Variants in DOCK7 observed in about 807,000 individuals in gnomAD.
DOCK7 encodes dedicator of cytokinesis protein 7.
In DOCK7, 138 loss-of-function variants were observed where a neutral mutation model predicts 271.0. The observed-to-expected ratio is 0.51, with a 90% CI of 0.44 to 0.59. DOCK7 has a LOEUF of 0.59. Ranked by LOEUF, DOCK7 falls within the 20% of genes least tolerant of loss-of-function variation. The pLI is 0.00. For synonymous variants in DOCK7, 823 were observed against 876.1 expected (o/e 0.94, Z 1.07); for missense variants, 2,066 against 2,592.4 (o/e 0.80, Z 4.41).
At chr1:62,528,763 T>C (rs931376781) in intron 30 of DOCK7, among the ~76,000 whole-genome samples, 1 of 152,202 alleles carries the variant, frequency 6.6e-6, no homozygotes, top group Middle Eastern at 3.2e-3. Flanking sequence ...GAAAATATTG[T>C]TGCAAACTAA....
At position 62,559,020 on chromosome 1, in the gene DOCK7, A is replaced by G; in HGVS notation, c.2400T>C (p.Val800=). The change falls in exon 20 of 50, where the codon GTT becomes GTC. Residue 800 remains valine, a synonymous_variant. Transcript: ENST00000635253. ...HLLLDKLILL[V]IRPPVIAGQI... ...GGCCAGCAATGACAGGAGGTCTAAT[A>G]ACTAAAAGTATCAGTTTATCTAGCA... 1 of 1,613,702 alleles carries G rather than the reference A, an allele frequency of 6.2e-7. No individual in the cohort carries two copies. The highest frequency in any genetic ancestry group is 8.5e-7 in the Non-Finnish European group (1 of 1,179,784).
At chr1:62,547,333 T>C (rs1349358393) in intron 22 of DOCK7, among the ~76,000 whole-genome samples, 1 of 152,224 alleles carries the variant, frequency 6.6e-6, no homozygotes, top group Non-Finnish European at 1.5e-5. Context: ...TTATATTTAA[T>C]ATAATAACTT....
At chr1:62,518,434 C>T (rs1192794058) in intron 31 of DOCK7, among the ~76,000 whole-genome samples, 8 of 152,076 alleles carry the variant, frequency 5.3e-5, no homozygotes, top group Non-Finnish European at 4.4e-5. Context: ...GTTAGCCAGG[C>T]GTGGTGGCGG....
chr1:62,463,235 T>C (rs1184184564), intron 48 of DOCK7, among the ~76,000 whole-genome samples: 1 of 152,274 alleles, frequency 6.6e-6, no homozygotes, highest in Non-Finnish European at 1.5e-5. Context: ...TTCAACCTCT[T>C]TGGTAATCAG....
intron 7 of DOCK7, among the ~76,000 whole-genome samples, chr1:62,646,129 A>G (rs569215839): frequency 2.5e-3 from 366 of 148,624 alleles, no homozygotes; most frequent in African/African-American, 8.5e-3. Flanking sequence ...CCTGGGCAAC[A>G]TGGGCAACAG....
chr1:62,620,250 G>A (rs1212703662), intron 12 of DOCK7, among the ~76,000 whole-genome samples: 1 of 151,952 alleles, frequency 6.6e-6, no homozygotes, highest in Non-Finnish European at 1.5e-5. Flanking sequence ...GGGAGATGGA[G>A]GTTGCAGTGA....
intron 19 of DOCK7, among the ~76,000 whole-genome samples, chr1:62,560,685 A>C (rs894690544): frequency 5.3e-5 from 8 of 151,954 alleles, no homozygotes; most frequent in South Asian, 4.2e-4. Context: ...GACTACTGTA[A>C]CTCTGTACTT....
intron 1 of DOCK7, among the ~76,000 whole-genome samples, chr1:62,668,581 T>C (rs1659576282): frequency 2.0e-5 from 3 of 152,182 alleles, no homozygotes; most frequent in Admixed American, 2.0e-4. Context: ...CAAATGATAT[T>C]TGTAATTTAG....
Position 62,636,604 on chromosome 1 carries a change from C to T in DOCK7, c.819-1G>A, listed in dbSNP as rs763358033. ...AATGGGTTCAATTTCAATTTCAAAC[C>T]TTTATGAAGAAAAAGGATAAAATAA... On this transcript the variant is annotated splice_acceptor_variant, in intron 7 of 49. Coordinates refer to ENST00000635253, the MANE Select transcript of DOCK7 (RefSeq NM_001367561.1). LOFTEE classifies it high-confidence loss of function. 5.0e-6 allele frequency: 8 copies of T among 1,590,422 alleles called. No individual in the cohort carries two copies. The highest frequency in any genetic ancestry group is 8.6e-7 in the Non-Finnish European group (1 of 1,165,202).
chr1:62,636,234 T>C (rs1257040688), intron 8 of DOCK7, among the ~76,000 whole-genome samples: 9 of 152,188 alleles, frequency 5.9e-5, no homozygotes. Flanking sequence ...AAATTCACTG[T>C]CATTGTCATT....
At chr1:62,654,628 T>C (rs1427184896) in intron 2 of DOCK7, among the ~76,000 whole-genome samples, 2 of 152,158 alleles carry the variant, frequency 1.3e-5, no homozygotes, top group African/African-American at 4.8e-5. Context: ...CCAAAAATTC[T>C]CCACATCCTA....
At chr1:62,528,828 AG>A (rs948021173) in intron 30 of DOCK7, among the ~76,000 whole-genome samples, 3 of 152,218 alleles carry the variant, frequency 2.0e-5, no homozygotes, top group African/African-American at 7.2e-5. Context: ...AAAACTCTGT[AG>A]GTTCTAGTTT....
intron 1 of DOCK7, among the ~76,000 whole-genome samples, chr1:62,681,983 G>C (rs1661219834): frequency 6.6e-6 from 1 of 152,056 alleles, no homozygotes; most frequent in South Asian, 2.1e-4. Context: ...AGTCAGAATG[G>C]TGGACTGGAG....
At chr1:62,623,447 T>C (rs555443435) in intron 12 of DOCK7, among the ~76,000 whole-genome samples, 2 of 152,224 alleles carry the variant, frequency 1.3e-5, no homozygotes, top group Non-Finnish European at 2.9e-5. Flanking sequence ...ATAGTAACAG[T>C]ATTCAAAACA....
intron 7 of DOCK7, chr1:62,638,521 A>G (rs2149648735): frequency 6.7e-6 from 1 of 148,404 alleles, no homozygotes; most frequent in East Asian, 2.0e-4. Flanking sequence ...TTTCATATCT[A>G]TATATATGAA....
Position 62,544,953 on chromosome 1 carries a change from T to C in DOCK7, c.2853A>G (p.Ser951=). The C allele has an allele frequency of 1.3e-6, 2 of 1,549,422 alleles. No homozygotes were observed. The highest frequency in any genetic ancestry group is 4.9e-5 in the East Asian group (2 of 40,878). Residue 951 remains serine (S), a synonymous_variant, in exon 23 of 50, where the codon TCA becomes TCG. Coordinates refer to ENST00000635253, the MANE Select transcript of DOCK7 (RefSeq NM_001367561.1). The stretch of plus-strand genomic sequence containing the variant: ...CCTCTAATATAAACACCACCTGTGT[T>C]GATTCTGCACTTGGACTGGGGTTGG... ...WGSNPSPSAE[S]TQAMDRSCNR...
intron 1 of DOCK7, among the ~76,000 whole-genome samples, chr1:62,675,423 G>A (rs1660442137): frequency 1.3e-5 from 2 of 152,144 alleles, no homozygotes; most frequent in South Asian, 4.1e-4. Flanking sequence ...CGATACAAAT[G>A]AGTAAGAGAC....
At position 62,455,316 on chromosome 1, in the gene DOCK7, T is replaced by A; in HGVS notation, c.*98A>T. ...ACTGCATTCTTCAATGAATAATAATTTCCAGAATTCCATTCCATGTTGTTT... is the reference window on the plus strand; with the variant it reads ...ACTGCATTCTTCAATGAATAATAATATCCAGAATTCCATTCCATGTTGTTT... On this transcript the variant is annotated 3_prime_UTR_variant, in exon 50 of 50. Transcript: ENST00000635253. 1 of 1,304,022 alleles carries A rather than the reference T, an allele frequency of 7.7e-7. No homozygotes were observed. Among genetic ancestry groups the A allele is most frequent in the Non-Finnish European group, 1.1e-6 (1 of 910,510 alleles). 80.8% of individuals were successfully genotyped at this position (1,304,022 alleles called of 1,614,324 possible). A position where few individuals can be genotyped will look rare whatever the true frequency, so the allele number is the denominator to read the frequency against.
chr1:62,463,417 G>A (rs867162207), intron 48 of DOCK7, among the ~76,000 whole-genome samples: 7 of 152,094 alleles, frequency 4.6e-5, no homozygotes, highest in African/African-American at 1.2e-4. Flanking sequence ...ATGTGGCATC[G>A]TCTGAGGATG....
Sources: allele counts gnomAD v4.1 joint callset (sites outside exome capture counted in the v4.1 genomes callset), GRCh38; gene constraint gnomAD v4.1.1; transcripts MANE v1.5; gene names NCBI Gene and HGNC (gene_info 2026-07-23, HGNC 2026-07-21).